The following BCOR variants were observed in gnomAD, a reference collection of about 807,000 sequenced individuals.
The protein encoded by BCOR is BCL-6 corepressor.
Under a neutral mutation model 86.7 loss-of-function variants are expected in BCOR, and 10 were observed. That is an observed-to-expected ratio of 0.12 (90% CI 0.07 to 0.20). The LOEUF (loss-of-function observed/expected upper bound fraction) is 0.20. BCOR is among the 10% of genes least tolerant of loss of function. The pLI, the probability that BCOR is intolerant of heterozygous loss-of-function variation, is 1.00. For synonymous variants in BCOR, 611 were observed against 609.0 expected (o/e 1.00, Z -0.05); for missense variants, 1,259 against 1,452.1 (o/e 0.87, Z 2.16).
At chrX:40,151,658 G>A (rs188378993) in intron 1 of BCOR, among the ~76,000 whole-genome samples, 140 of 113,251 alleles carry the variant, frequency 1.2e-3, no homozygotes, top group African/African-American at 4.3e-3. Context: ...TGTGGAAGGG[G>A]GAGGGGAGCG....
intron 1 of BCOR, among the ~76,000 whole-genome samples, chrX:40,096,346 G>A (rs749999752): frequency 8.9e-6 from 1 of 111,762 alleles, no homozygotes; most frequent in East Asian, 2.8e-4. Context: ...CCACCCCTGG[G>A]GGCTCATAAC....
intron 1 of BCOR, among the ~76,000 whole-genome samples, chrX:40,120,263 C>G (rs1937463965): frequency 9.0e-6 from 1 of 111,284 alleles, no homozygotes; most frequent in East Asian, 2.8e-4. Context: ...TTCCGCTATG[C>G]CCGGAGCAGA....
At chrX:40,107,347 C>T (rs1937209798) in intron 1 of BCOR, among the ~76,000 whole-genome samples, 4 of 111,501 alleles carry the variant, frequency 3.6e-5, no homozygotes, top group Admixed American at 1.9e-4. Context: ...GACGCAAGGG[C>T]CAGGTCCCTC....
At chrX:40,158,332 C>T (rs1259366970) in intron 1 of BCOR, among the ~76,000 whole-genome samples, 1 of 112,085 alleles carries the variant, frequency 8.9e-6, no homozygotes, top group Non-Finnish European at 1.9e-5. Flanking sequence ...CACCGGCCGC[C>T]ATCTTGGCCC....
chrX:40,141,247 T>G (rs749817744), intron 1 of BCOR, among the ~76,000 whole-genome samples: 1 of 113,083 alleles, frequency 8.8e-6, no homozygotes, highest in Non-Finnish European at 1.9e-5. Context: ...TAAGTCTGAC[T>G]GAACTTGAGC....
intron 1 of BCOR, among the ~76,000 whole-genome samples, chrX:40,078,391 G>A (rs1448206876): frequency 1.8e-5 from 2 of 112,125 alleles, no homozygotes; most frequent in African/African-American, 6.5e-5. Flanking sequence ...TCACTGGGAG[G>A]CACACAACTG....
intron 1 of BCOR, among the ~76,000 whole-genome samples, chrX:40,092,550 CT>C (rs1268470796): frequency 9.0e-6 from 1 of 111,618 alleles, no homozygotes; most frequent in Non-Finnish European, 1.9e-5. Flanking sequence ...TCCCAGCCCA[CT>C]GAGGCCCTGC....
At position 40,129,348 on chromosome X, in the gene BCOR, T is replaced by A. The variant is rs764707632; in HGVS notation, c.-41+47659A>T. 2.7e-5 allele frequency among the ~76,000 whole-genome samples: 3 copies of A among 110,510 alleles called. No individual in the cohort carries two copies. In the East Asian group the frequency reaches 8.6e-4, roughly 32 times the overall value. On this transcript the variant is annotated intron_variant, in intron 1 of 14. Transcript: ENST00000342274. ...AAAATACAAAAATTAGCTGGGTATGTTGGCACGTGCCTGTAGTCCCAGCTA... is the reference window on the plus strand; with the variant it reads ...AAAATACAAAAATTAGCTGGGTATGATGGCACGTGCCTGTAGTCCCAGCTA...
chrX:40,147,484 GAGA>G (rs1251645714), intron 1 of BCOR, among the ~76,000 whole-genome samples: 7 of 112,635 alleles, frequency 6.2e-5, no homozygotes, highest in Non-Finnish European at 9.4e-5. Flanking sequence ...GCGAGGTGGG[GAGA>G]AGGAGAGCGC....
chrX:40,153,821 C>G (rs1938221631), intron 1 of BCOR, among the ~76,000 whole-genome samples: 1 of 111,964 alleles, frequency 8.9e-6, no homozygotes, highest in African/African-American at 3.2e-5. Flanking sequence ...CCGCAGCAGC[C>G]AGTGCCTCTG....
chrX:40,115,698 AC>A (rs1937382428), intron 1 of BCOR, among the ~76,000 whole-genome samples: 1 of 107,265 alleles, frequency 9.3e-6, no homozygotes, highest in Admixed American at 1.0e-4. Context: ...AATCGCTTGA[AC>A]CCAGGAGGCG....
intron 1 of BCOR, among the ~76,000 whole-genome samples, chrX:40,154,424 C>A (rs1938241801): frequency 8.9e-6 from 1 of 112,574 alleles, no homozygotes; most frequent in African/African-American, 3.2e-5. Flanking sequence ...CGTCCCCCTC[C>A]TCCCCCTTTG....
rs1203731898 is a variant in BCOR, at chrX:40,051,636, C to T, written c.*473G>A. ...CACACTACTGGATTACATCCAATAG[C>T]ATTTACCTGGCCCGAGCAGGTACTC... On this transcript the variant is annotated 3_prime_UTR_variant, in exon 15 of 15. Transcript: ENST00000378444. The T allele has an allele frequency of 1.1e-5, 2 of 175,579 alleles. No individual in the cohort carries two copies. Among genetic ancestry groups the T allele is most frequent in the African/African-American group, 5.9e-5 (2 of 33,966 alleles). 14.5% of individuals were successfully genotyped at this position (175,579 alleles called of 1,213,427 possible).
intron 1 of BCOR, among the ~76,000 whole-genome samples, chrX:40,080,306 T>C (rs1936021650): frequency 9.1e-6 from 1 of 109,866 alleles, no homozygotes; most frequent in Non-Finnish European, 1.9e-5. Context: ...CTGGGCGTGG[T>C]GGTGCGTGCC....
At position 40,075,039 on chromosome X, in the gene BCOR, C is replaced by G. The variant is rs2147276189; in HGVS notation, c.307G>C (p.Glu103Gln). 1.7e-6 allele frequency: 2 copies of G among 1,205,547 alleles called. No homozygotes were observed. Among genetic ancestry groups the G allele is most frequent in the Non-Finnish European group, 2.2e-6 (2 of 892,007 alleles). ...CCACCTAGAGTGCTTGTGGCAGCCT[C>G]CCGACCTTTCTCTGAGCCCAGTCCA... ...LCGLGSEKGREAATSTLGGLG... is the reference protein window; with the variant it reads ...LCGLGSEKGRQAATSTLGGLG... Residue 103 changes from glutamate (E) to glutamine (Q), a missense_variant, in exon 4 of 15, where the codon GAG becomes CAG. Physicochemically the swap from Glu to Gln is conservative, Grantham distance 29. Transcript: ENST00000378444.
chrX:40,067,027 A>C (rs1483917782), intron 6 of BCOR, among the ~76,000 whole-genome samples: 1 of 104,592 alleles, frequency 9.6e-6, no homozygotes, highest in Non-Finnish European at 1.9e-5. Flanking sequence ...TCACACAGCC[A>C]CCTGTATTTG....
chrX:40,113,731 T>C (rs1937349126), intron 1 of BCOR, among the ~76,000 whole-genome samples: 1 of 111,459 alleles, frequency 9.0e-6, no homozygotes, highest in African/African-American at 3.2e-5. Context: ...GCCCAGTGCC[T>C]AGCATGGTGC....
intron 1 of BCOR, among the ~76,000 whole-genome samples, chrX:40,138,180 G>A (rs1391361366): frequency 4.5e-5 from 5 of 111,644 alleles, no homozygotes; most frequent in Admixed American, 3.8e-4. Flanking sequence ...TCGAACTCCC[G>A]ACCTCAGGTG....
Position 40,063,054 on chromosome X carries a change from C to G in BCOR, c.3865G>C (p.Gly1289Arg). 1 of 1,038,325 alleles carries G rather than the reference C, an allele frequency of 9.6e-7. No individual in the cohort carries two copies. Among genetic ancestry groups the G allele is most frequent in the South Asian group, 2.0e-5 (1 of 49,167 alleles). 85.6% of individuals were successfully genotyped at this position (1,038,325 alleles called of 1,213,427 possible). A position where few individuals can be genotyped will look rare whatever the true frequency, so the allele number is the denominator to read the frequency against. ...DNEQGLPVFS[G>R]SPPMKSLSST... Reference sequence around the variant, plus strand: ...GAAAGACTCTTCATGGGCGGAGAGCCGGAGAACACAGGCAAGCCTAAATAC... The same window carrying G: ...GAAAGACTCTTCATGGGCGGAGAGCGGGAGAACACAGGCAAGCCTAAATAC... The change falls in exon 9 of 15, where the codon GGC becomes CGC. Residue 1289 changes from glycine to arginine, a missense_variant. Physicochemically the swap from Gly to Arg is moderately radical, Grantham distance 125 (BLOSUM62 -2). This residue lies in a region of BCOR where 305 missense variants were observed against 286.1 expected (regional missense o/e 1.07). Transcript: ENST00000378444.
Sources: gnomAD v4.1 joint callset for allele counts (sites outside exome capture counted in the v4.1 genomes callset) on GRCh38, gnomAD v4.1.1 for gene constraint, gnomAD v4.1.1 regional missense constraint, MANE v1.5 for transcripts, NCBI Gene and HGNC (gene_info 2026-07-23, HGNC 2026-07-21) for gene names.